Variants in TMEM123 observed in about 807,000 individuals in gnomAD.
TMEM123 encodes transmembrane protein 123.
Under a neutral mutation model 19.7 loss-of-function variants are expected in TMEM123, and 16 were observed. The observed-to-expected ratio is 0.81, with a 90% CI of 0.55 to 1.23. The LOEUF is 1.23. TMEM123 is among the 50% of genes most tolerant of loss of function. The pLI, the probability that TMEM123 is intolerant of heterozygous loss-of-function variation, is 0.00. For missense variants in TMEM123, 313 were observed against 257.8 expected (o/e 1.21, Z -1.47); for synonymous variants, 118 against 99.4 (o/e 1.19, Z -1.12).
chr11:102,435,418 C>T (rs756764894), intron 2 of TMEM123, among the ~76,000 whole-genome samples: 3 of 151,688 alleles, frequency 2.0e-5, no homozygotes, highest in East Asian at 1.9e-4. Context: ...TTAGATACAA[C>T]GAAAAAACCG....
At chr11:102,422,203 G>A (rs979815485) in intron 2 of TMEM123, among the ~76,000 whole-genome samples, 1 of 152,238 alleles carries the variant, frequency 6.6e-6, no homozygotes, top group Non-Finnish European at 1.5e-5. Context: ...GCCGAGTGTG[G>A]TGGCTCATGC....
chr11:102,407,743 G>A (rs1164719440), intron 2 of TMEM123, among the ~76,000 whole-genome samples: 1 of 152,094 alleles, frequency 6.6e-6, no homozygotes, highest in Non-Finnish European at 1.5e-5. Flanking sequence ...AGAAGCCAGA[G>A]GAGAGGCATG....
intron 2 of TMEM123, among the ~76,000 whole-genome samples, chr11:102,409,024 T>C (rs1951979822): frequency 6.6e-6 from 1 of 152,160 alleles, no homozygotes; most frequent in East Asian, 1.9e-4. Context: ...AAAATATTTA[T>C]TAAATATTTA....
chr11:102,439,615 A>G (rs1353593767), intron 2 of TMEM123, among the ~76,000 whole-genome samples: 3 of 152,214 alleles, frequency 2.0e-5, no homozygotes, highest in Non-Finnish European at 4.4e-5. Context: ...GAAAAGCTGA[A>G]AATTCTAAAA....
intron 2 of TMEM123, among the ~76,000 whole-genome samples, chr11:102,448,044 C>G (rs1441595241): frequency 6.6e-6 from 1 of 152,172 alleles, no homozygotes; most frequent in East Asian, 1.9e-4. Context: ...GAAGTTAAGG[C>G]TTGGTCCATT....
rs1172850918 is a variant in TMEM123, at chr11:102,398,460, A to T, written c.*407T>A. On this transcript the variant is annotated 3_prime_UTR_variant, in exon 5 of 5. Transcript: ENST00000398136. ...GCTCTGAAAAGCACTGAAGTTCTTT[A>T]TGTGAGCTACAAAAGATACCCAAAA... 2.5e-6 allele frequency: 1 copy of T among 404,524 alleles called. No individual in the cohort carries two copies. Among genetic ancestry groups the T allele is most frequent in the African/African-American group, 2.1e-5 (1 of 48,780 alleles). The allele number at this position is 404,524 out of a possible 1,614,324, so 25.1% of individuals were successfully genotyped here. A position where few individuals can be genotyped will look rare whatever the true frequency, so the allele number is the denominator to read the frequency against.
intron 2 of TMEM123, among the ~76,000 whole-genome samples, chr11:102,431,799 G>C (rs897663646): frequency 1.3e-5 from 2 of 152,172 alleles, no homozygotes; most frequent in African/African-American, 4.8e-5. Context: ...TCATGGCAGT[G>C]ACCCGGTGGT....
intron 2 of TMEM123, chr11:102,448,207 A>G (rs1857903350): frequency 2.2e-6 from 1 of 456,070 alleles, no homozygotes; most frequent in East Asian, 6.9e-5. Flanking sequence ...GTGAGAAGAT[A>G]ACTTAAAAAT....
Position 102,413,934 on chromosome 11 carries a change from T to G in TMEM123, c.158-11728A>C, listed in dbSNP as rs12283401. Among the ~76,000 whole-genome samples, 459 of 152,256 alleles carry G rather than the reference T, an allele frequency of 3.0e-3. 2 individuals are homozygous for G. The highest frequency in any genetic ancestry group is 0.011 in the African/African-American group (439 of 41,560). The stretch of plus-strand genomic sequence containing the variant: ...ACAAAGATCAAGATTCAGGACAAAG[T>G]TGAAGCCCAATCCATGGAACCTAAG... On this transcript the variant is annotated intron_variant, in intron 2 of 4. Transcript: ENST00000398136.
intron 2 of TMEM123, among the ~76,000 whole-genome samples, chr11:102,407,428 A>C (rs1951965311): frequency 6.6e-6 from 1 of 152,198 alleles, no homozygotes; most frequent in African/African-American, 2.4e-5. Flanking sequence ...TGTGTGACAT[A>C]CAGTTGTCCA....
At chr11:102,402,328 CATACTTAGCCCATTA>C in intron 2 of TMEM123, 122 bp from the exon 3 acceptor site, 1 of 982,690 alleles carries the variant, frequency 1.0e-6, no homozygotes, top group Middle Eastern at 2.9e-4. Context: ...CAGCATTTAA[CATACTTAGCCCATTA>C]ATACTTTGCA....
At chr11:102,412,931 G>A (rs1029316298) in intron 2 of TMEM123, among the ~76,000 whole-genome samples, 2 of 152,040 alleles carry the variant, frequency 1.3e-5, no homozygotes, top group Admixed American at 1.3e-4. Context: ...ATCTTCACAC[G>A]CTAATTCCCA....
intron 1 of TMEM123, among the ~76,000 whole-genome samples, chr11:102,451,645 T>C (rs1262408077): frequency 8.5e-5 from 13 of 152,230 alleles, no homozygotes; most frequent in Admixed American, 5.9e-4. Flanking sequence ...CTGACTTCTC[T>C]AACAGTTGAC....
chr11:102,417,771 A>G (rs576969327), intron 2 of TMEM123, among the ~76,000 whole-genome samples: 1 of 152,320 alleles, frequency 6.6e-6, no homozygotes, highest in South Asian at 2.1e-4. Flanking sequence ...CCAAAACAGC[A>G]TGGTATCGGT....
intron 2 of TMEM123, among the ~76,000 whole-genome samples, chr11:102,423,390 G>T (rs1018041864): frequency 6.6e-6 from 1 of 152,154 alleles, no homozygotes; most frequent in African/African-American, 2.4e-5. Flanking sequence ...CTCCCTCCCA[G>T]CTCCCTTTAA....
At chr11:102,400,003 T>C (rs1177838903) in intron 4 of TMEM123, among the ~76,000 whole-genome samples, 2 of 146,186 alleles carry the variant, frequency 1.4e-5, no homozygotes, top group Non-Finnish European at 3.1e-5. Flanking sequence ...TAAATTATCA[T>C]TTTTGTTTAA....
chr11:102,427,511 C>T (rs1472179780), intron 2 of TMEM123, among the ~76,000 whole-genome samples: 1 of 141,016 alleles, frequency 7.1e-6, no homozygotes, highest in East Asian at 2.2e-4. Context: ...TGCAGTGGCA[C>T]AATCTCAGCT....
At chr11:102,399,622 G>A (rs1266038977) in intron 4 of TMEM123, among the ~76,000 whole-genome samples, 5 of 152,222 alleles carry the variant, frequency 3.3e-5, no homozygotes, top group Admixed American at 1.3e-4. Flanking sequence ...GGAAGCTAAA[G>A]TGAGTTTGAT....
At chr11:102,440,574 C>T (rs564417962) in intron 2 of TMEM123, among the ~76,000 whole-genome samples, 65 of 152,130 alleles carry the variant, frequency 4.3e-4, no homozygotes, top group Non-Finnish European at 8.4e-4. Context: ...AAGGAACAAC[C>T]GTACCAGCCA....
Sources: allele counts gnomAD v4.1 joint callset (sites outside exome capture counted in the v4.1 genomes callset), GRCh38; gene constraint gnomAD v4.1.1; transcripts MANE v1.5; gene names NCBI Gene and HGNC (gene_info 2026-07-23, HGNC 2026-07-21).